The following VTI1A variants were observed in gnomAD, a reference collection of about 807,000 sequenced individuals.
The protein encoded by VTI1A is vesicle transport through interaction with t-SNAREs homolog 1A.
Under a neutral mutation model 34.9 loss-of-function variants are expected in VTI1A, and 22 were observed. That is an observed-to-expected ratio of 0.63 (90% CI 0.45 to 0.90). VTI1A has a LOEUF of 0.90. VTI1A is among the 40% of genes least tolerant of loss of function. The probability of loss-of-function intolerance (pLI) is 0.00; values close to 1 mark genes in which losing one functional copy is unlikely to be tolerated. For synonymous variants in VTI1A, 87 were observed against 97.3 expected, an observed-to-expected ratio of 0.89 and a Z score of 0.62; for missense variants, 268 against 275.6, an observed-to-expected ratio of 0.97 and a Z score of 0.20.
chr10:112,549,722 T>C (rs1444426242), intron 5 of VTI1A, among the ~76,000 whole-genome samples: 1 of 152,214 alleles, frequency 6.6e-6, no homozygotes, highest in African/African-American at 2.4e-5. Context: ...ATTTTTTTAA[T>C]GCTGAGAAGA....
chr10:112,759,064 C>T (rs928946568), intron 7 of VTI1A, among the ~76,000 whole-genome samples: 12 of 152,150 alleles, frequency 7.9e-5, no homozygotes, highest in Non-Finnish European at 8.8e-5. Context: ...CCAGGCCTCC[C>T]CTGCCTCCCT....
At chr10:112,526,630 T>A (rs1315892605) in intron 3 of VTI1A, among the ~76,000 whole-genome samples, 1 of 152,116 alleles carries the variant, frequency 6.6e-6, no homozygotes, top group East Asian at 1.9e-4. Flanking sequence ...GTTGGAGATA[T>A]AATTATTATC....
At chr10:112,632,564 G>A (rs1439735285) in intron 5 of VTI1A, among the ~76,000 whole-genome samples, 3 of 152,176 alleles carry the variant, frequency 2.0e-5, no homozygotes, top group Non-Finnish European at 4.4e-5. Flanking sequence ...CATGGGGATC[G>A]TTGCCAGCCA....
intron 4 of VTI1A, among the ~76,000 whole-genome samples, chr10:112,528,801 A>G (rs1415156033): frequency 1.3e-5 from 2 of 152,162 alleles, no homozygotes; most frequent in East Asian, 3.8e-4. Context: ...ATAGAAAGGA[A>G]GGGGGTGTGC....
At chr10:112,477,928 A>G (rs534046050) in intron 3 of VTI1A, among the ~76,000 whole-genome samples, 2 of 152,338 alleles carry the variant, frequency 1.3e-5, no homozygotes, top group South Asian at 4.1e-4. Context: ...TACTTATGGA[A>G]ATGTAATTTT....
chr10:112,829,665 A>T, the VTI1A span, among the ~76,000 whole-genome samples: 2 of 152,076 alleles, frequency 1.3e-5, no homozygotes, highest in Non-Finnish European at 2.9e-5. Context: ...GAGGCAGGAG[A>T]ACCGCTTGAA....
rs772562736 is a variant in VTI1A, at chr10:112,790,088, C to T, written c.561-25202C>T. The stretch of plus-strand genomic sequence containing the variant: ...GAATGTAGTCTCTAGAATCTGTCTC[C>T]GCTGCAGTCTACTCAGTTGTTGCTT... On this transcript the variant is annotated intron_variant, in intron 7 of 7. Coordinates refer to ENST00000393077, the MANE Select transcript of VTI1A (RefSeq NM_145206.4). 5.3e-5 allele frequency among the ~76,000 whole-genome samples: 8 copies of T among 152,126 alleles called. No individual in the cohort carries two copies. The East Asian group carries it at 5.8e-4, about 11-fold the overall frequency.
chr10:112,549,169 C>G (rs542982549), intron 5 of VTI1A, among the ~76,000 whole-genome samples: 1 of 152,200 alleles, frequency 6.6e-6, no homozygotes, highest in Non-Finnish European at 1.5e-5. Flanking sequence ...CTACGTGTTC[C>G]TTTCCCTCAG....
Position 112,546,031 on chromosome 10 carries a change from CGTAT to C in VTI1A, c.427+7704_427+7707del, listed in dbSNP as rs539465984. Among the ~76,000 whole-genome samples, 1,138 of 145,440 alleles carry C rather than the reference CGTAT, an allele frequency of 7.8e-3. 24 individuals are homozygous for C. The highest frequency in any genetic ancestry group is 0.028 in the African/African-American group (1,077 of 38,862). ...ATGTGTGTGTATATACGTGTATACG[CGTAT>C]GTGTGTGTATATACGTGTATACGCG... On this transcript the variant is annotated intron_variant, in intron 5 of 7. Transcript: ENST00000393077.
intron 7 of VTI1A, among the ~76,000 whole-genome samples, chr10:112,794,283 G>A (rs750300860): frequency 2.0e-5 from 3 of 152,142 alleles, no homozygotes; most frequent in Non-Finnish European, 4.4e-5. Flanking sequence ...CTGGCCAGGC[G>A]CATTGGCTCA....
At chr10:112,823,213 G>T (rs1853685791), downstream of VTI1A, among the ~76,000 whole-genome samples, 1 of 152,238 alleles carries the variant, frequency 6.6e-6, no homozygotes, top group Non-Finnish European at 1.5e-5. Flanking sequence ...CTGCAGGTGG[G>T]CAGGTCCCCA....
chr10:112,472,684 T>A (rs1860671677), intron 3 of VTI1A, among the ~76,000 whole-genome samples: 2 of 152,196 alleles, frequency 1.3e-5, no homozygotes, highest in Admixed American at 6.5e-5. Flanking sequence ...ATATTTTACT[T>A]CTATTTCTGT....
At chr10:112,488,393 G>GC (rs1848714883) in intron 3 of VTI1A, among the ~76,000 whole-genome samples, 2 of 152,166 alleles carry the variant, frequency 1.3e-5, no homozygotes, top group Non-Finnish European at 2.9e-5. Flanking sequence ...TAAGTGAAGA[G>GC]TACCAAGTCG....
At chr10:112,673,569 A>G (rs751773908) in intron 7 of VTI1A, among the ~76,000 whole-genome samples, 4 of 152,214 alleles carry the variant, frequency 2.6e-5, no homozygotes, top group Admixed American at 6.5e-5. Context: ...TGGAGCTGCT[A>G]AGAGGTCTTT....
chr10:112,512,847 T>G (rs1293668087), intron 3 of VTI1A, among the ~76,000 whole-genome samples: 5 of 152,128 alleles, frequency 3.3e-5, no homozygotes, highest in Non-Finnish European at 7.4e-5. Flanking sequence ...GAAGATCAGT[T>G]GGCTGTGAAT....
At chr10:112,635,721 G>A (rs1015566743) in intron 5 of VTI1A, among the ~76,000 whole-genome samples, 10 of 152,200 alleles carry the variant, frequency 6.6e-5, no homozygotes, top group South Asian at 2.1e-4. Flanking sequence ...GAGAAAACCC[G>A]ATGACTGGTT....
intron 2 of VTI1A, among the ~76,000 whole-genome samples, chr10:112,462,663 CT>C (rs1351435146): frequency 6.6e-6 from 1 of 152,026 alleles, no homozygotes; most frequent in Admixed American, 6.5e-5. Context: ...TTAAAATTAT[CT>C]TTTTTCTTTA....
At chr10:112,451,644 A>T (rs1847243742) in intron 1 of VTI1A, among the ~76,000 whole-genome samples, 1 of 152,204 alleles carries the variant, frequency 6.6e-6, no homozygotes, top group Non-Finnish European at 1.5e-5. Context: ...TTCTGGAAGG[A>T]AATGCCTGAG....
At chr10:112,757,386 A>C (rs1329272977) in intron 7 of VTI1A, among the ~76,000 whole-genome samples, 1 of 42,226 alleles carries the variant, frequency 2.4e-5, no homozygotes, top group South Asian at 6.8e-4. Context: ...TTTTTTTTGG[A>C]GACATAGGCT....
Sources: allele counts gnomAD v4.1 joint callset (sites outside exome capture counted in the v4.1 genomes callset), GRCh38; gene constraint gnomAD v4.1.1; transcripts MANE v1.5; gene names NCBI Gene and HGNC (gene_info 2026-07-23, HGNC 2026-07-21).